The following LAMA3 variants were observed in gnomAD, a reference collection of about 807,000 sequenced individuals.
LAMA3 encodes laminin subunit alpha 3.
Under a neutral mutation model 402.0 loss-of-function variants are expected in LAMA3, and 281 were observed. That is an observed-to-expected ratio of 0.70 (90% confidence interval 0.63 to 0.77). LAMA3 has a LOEUF of 0.77. Ranked by LOEUF, LAMA3 falls within the 30% of genes least tolerant of loss-of-function variation. The probability of loss-of-function intolerance (pLI) is 0.00; values close to 1 mark genes in which losing one functional copy is unlikely to be tolerated. For missense variants in LAMA3, 3,840 were observed against 4,215.5 expected (o/e 0.91, Z 2.47); for synonymous variants, 1,431 against 1,558.4 (o/e 0.92, Z 1.93).
intron 35 of LAMA3, among the ~76,000 whole-genome samples, chr18:23,864,115 G>C (rs76963651): frequency 1.2e-3 from 181 of 151,984 alleles, no homozygotes; most frequent in African/African-American, 4.1e-3. Context: ...CAATGGCCTA[G>C]ATTTCCTAGA....
chr18:23,708,261 A>G (rs2060926434), intron 1 of LAMA3, among the ~76,000 whole-genome samples: 1 of 152,060 alleles, frequency 6.6e-6, no homozygotes, highest in African/African-American at 2.4e-5. Flanking sequence ...CCTTTCCTTA[A>G]TTACAATAGC....
At chr18:23,795,021 G>A (rs1455508073) in intron 12 of LAMA3, among the ~76,000 whole-genome samples, 2 of 152,082 alleles carry the variant, frequency 1.3e-5, no homozygotes, top group Non-Finnish European at 2.9e-5. Flanking sequence ...TGTATCTGGA[G>A]CAAAGGTAAA....
chr18:23,847,561 C>G lies in LAMA3; in HGVS notation c.4029C>G (p.His1343Gln). ...CCCAGTGTGAGGTGTGTGAGACACA[C>G]TCATTCAGCTTCCACCCCATGGCCG... ...VRPQCEVCET[H>Q]SFSFHPMAGC... Residue 1343 changes from histidine (H) to glutamine (Q), a missense_variant, in exon 32 of 75, where the codon CAC becomes CAG. Transcript: ENST00000313654. The G allele has an allele frequency of 1.9e-6, 3 of 1,614,114 alleles. No homozygotes were observed. Among genetic ancestry groups the G allele is most frequent in the Non-Finnish European group, 2.5e-6 (3 of 1,180,036 alleles).
chr18:23,876,006 A>T (rs1264357550), intron 38 of LAMA3, among the ~76,000 whole-genome samples: 1 of 152,172 alleles, frequency 6.6e-6, no homozygotes, highest in East Asian at 1.9e-4. Context: ...TGAAGGAAAG[A>T]AGGTTTGAAA....
intron 1 of LAMA3, among the ~76,000 whole-genome samples, chr18:23,702,077 C>T (rs1711458): frequency 0.049 from 7,388 of 151,714 alleles, 439 homozygotes; most frequent in Admixed American, 0.17. Context: ...TCCATACCAA[C>T]GGTAGGCAGG....
At chr18:23,784,673 G>A (rs879675775) in intron 12 of LAMA3, among the ~76,000 whole-genome samples, 3 of 152,032 alleles carry the variant, frequency 2.0e-5, no homozygotes, top group African/African-American at 4.8e-5. Flanking sequence ...GGCAAGGGTC[G>A]CTGAAGGGGG....
At chr18:23,925,062 A>G (rs1005770125) in intron 62 of LAMA3, among the ~76,000 whole-genome samples, 1 of 152,206 alleles carries the variant, frequency 6.6e-6, no homozygotes, top group African/African-American at 2.4e-5. Flanking sequence ...GGGTGGGCAC[A>G]GAGGAGTTCC....
chr18:23,692,151 T>C (rs1433715666), intron 1 of LAMA3, among the ~76,000 whole-genome samples: 1 of 152,250 alleles, frequency 6.6e-6, no homozygotes, highest in Non-Finnish European at 1.5e-5. Context: ...ACTATAGCTC[T>C]AGCTCTGCCC....
In LAMA3 at chr18:23,703,945, T is replaced by C. The variant is rs79248293; in HGVS notation, c.295-9975T>C. 6.8e-4 allele frequency among the ~76,000 whole-genome samples: 103 copies of C among 152,372 alleles called. No individual in the cohort carries two copies. In the East Asian group the frequency reaches 0.017, roughly 25 times the overall value. ...GGGAGAATGCTCTGAACAAGGTCTT[T>C]GCAAAGGAGCAATTCCAAGTTAGGA... On this transcript the variant is annotated intron_variant, in intron 1 of 74. Transcript: ENST00000313654.
At chr18:23,910,293 C>T (rs1599070006) in intron 55 of LAMA3, among the ~76,000 whole-genome samples, 1 of 152,178 alleles carries the variant, frequency 6.6e-6, no homozygotes, top group Non-Finnish European at 1.5e-5. Flanking sequence ...CTTTACCTCT[C>T]TGTGCCTCAG....
At chr18:23,947,079 G>A (rs2082734800) in intron 70 of LAMA3, among the ~76,000 whole-genome samples, 1 of 152,222 alleles carries the variant, frequency 6.6e-6, no homozygotes. Context: ...CGAAGGGAAA[G>A]TTGGGACTCC....
At chr18:23,741,477 C>T (rs573390085) in intron 2 of LAMA3, among the ~76,000 whole-genome samples, 4 of 151,352 alleles carry the variant, frequency 2.6e-5, no homozygotes, top group South Asian at 2.1e-4. Flanking sequence ...TAATCGCCAT[C>T]GTTTCTTCTC....
chr18:23,783,050 C>T lies in LAMA3; in HGVS notation c.1469-973C>T, dbSNP rs796810398. On this transcript the variant is annotated intron_variant, in intron 11 of 74. Transcript: ENST00000313654. ...CTCTCAATTGTGTGGGTTGGCTGGG[C>T]GGGTCTTCTGCTGGACTTGCTGGAG... Among the ~76,000 whole-genome samples, 14 of 152,158 alleles carry T rather than the reference C, an allele frequency of 9.2e-5. No individual in the cohort carries two copies. The East Asian group carries it at 9.7e-4, about 11-fold the overall frequency.
intron 65 of LAMA3, chr18:23,931,774 G>A (rs1055340436): frequency 3.3e-6 from 1 of 300,834 alleles, no homozygotes; most frequent in African/African-American, 2.2e-5. Flanking sequence ...GAGGCTATAG[G>A]GTTAAAGGGA....
At chr18:23,823,927 A>T (rs1355055696) in intron 20 of LAMA3, among the ~76,000 whole-genome samples, 1 of 152,198 alleles carries the variant, frequency 6.6e-6, no homozygotes, top group East Asian at 1.9e-4. Flanking sequence ...AGTCCCAGCT[A>T]CTTGGGAGGC....
At chr18:23,821,771 C>T (rs185400356) in intron 19 of LAMA3, among the ~76,000 whole-genome samples, 521 of 152,292 alleles carry the variant, frequency 3.4e-3, no homozygotes, top group South Asian at 0.016. Flanking sequence ...AGTCTTTAAC[C>T]TTTCCTTGGC....
chr18:23,954,400 C>CGA, intron 74 of LAMA3, 103 bp from the exon 75 acceptor site: 1 of 613,780 alleles, frequency 1.6e-6, no homozygotes, highest in Non-Finnish European at 2.7e-6. Flanking sequence ...AGGACCCTGT[C>CGA]TAAAAAAAAA....
Position 23,749,476 on chromosome 18 carries a change from C to A in LAMA3, c.614C>A (p.Ala205Asp), listed in dbSNP as rs753341783. ...GAATTTGGGCGGGAGGCAAATATGG[C>A]TGTCACCCGGGATGATGATGTACTT... ...LKEFGREANM[A>D]VTRDDDVLCV... is the part of the protein sequence containing the mutation. The change falls in exon 4 of 75, where the codon GCT becomes GAT. Residue 205 changes from alanine to aspartate, a missense_variant. By Grantham distance (126) the Ala-to-Asp change is moderately radical. Transcript: ENST00000313654. 2.5e-5 allele frequency: 40 copies of A among 1,612,676 alleles called. No homozygotes were observed. The highest frequency in any genetic ancestry group is 3.1e-5 in the Non-Finnish European group (37 of 1,178,836).
At chr18:23,804,104 T>C (rs1353015026) in intron 12 of LAMA3, among the ~76,000 whole-genome samples, 1 of 152,202 alleles carries the variant, frequency 6.6e-6, no homozygotes, top group Non-Finnish European at 1.5e-5. Flanking sequence ...CTTCTGTCTC[T>C]ACTAAGACCC....
Sources: gnomAD v4.1 joint callset for allele counts (sites outside exome capture counted in the v4.1 genomes callset) on GRCh38, gnomAD v4.1.1 for gene constraint, MANE v1.5 for transcripts, NCBI Gene and HGNC (gene_info 2026-07-23, HGNC 2026-07-21) for gene names.